Variants in PRSS55 observed in about 807,000 individuals in gnomAD.
PRSS55 encodes the protein serine protease 55, also known as probable serine protease UNQ9391/PRO34284.
Under a neutral mutation model 23.6 loss-of-function variants are expected in PRSS55, and 41 were observed. The observed-to-expected ratio is 1.74, with a 90% confidence interval of 1.35 to 2.26. The LOEUF (loss-of-function observed/expected upper bound fraction) is 2.26, where lower values mean the gene tolerates loss of function less well. PRSS55 is among the 30% of genes most tolerant of loss of function. The pLI is 0.00. For missense variants in PRSS55, 669 were observed against 439.1 expected (o/e 1.52, Z -4.68); for synonymous variants, 262 against 175.5 (o/e 1.49, Z -3.90).
rs953938203 is a variant in PRSS55 at position 10,531,699 on chromosome 8, GC to G, written c.598+156del. On this transcript the variant is annotated intron_variant, in intron 3 of 4. Transcript: ENST00000328655. ...GCCCAAAGTTTAGCTCCTTTTGGGT[GC>G]CGAAACCCCAAGGTGAGACACCAGG... 1.1e-4 allele frequency: 121 copies of G among 1,079,238 alleles called. No homozygotes were observed. The African/African-American group carries it at 1.9e-3, about 17-fold the overall frequency. The allele number at this position is 1,079,238 out of a possible 1,614,324, so 66.9% of individuals were successfully genotyped here.
intron 4 of PRSS55, among the ~76,000 whole-genome samples, chr8:10,533,890 A>G (rs1298085851): frequency 1.3e-5 from 2 of 152,162 alleles, no homozygotes; most frequent in African/African-American, 4.8e-5. Flanking sequence ...TTAATGTGAG[A>G]AAATTGGTAG....
chr8:10,539,605 T>A (rs62492804), downstream of PRSS55, among the ~76,000 whole-genome samples: 1 of 152,202 alleles, frequency 6.6e-6, no homozygotes, highest in East Asian at 1.9e-4. Flanking sequence ...TGGGAGATAA[T>A]TGAGTCATGC....
chr8:10,540,751 A>T (rs138068875), downstream of PRSS55: 3 of 152,362 alleles, frequency 2.0e-5, no homozygotes, highest in East Asian at 5.8e-4. Flanking sequence ...CTTCCTAGTT[A>T]TCCTTTTTCC....
intron 4 of PRSS55, among the ~76,000 whole-genome samples, chr8:10,545,356 C>T (rs1410276185): frequency 6.6e-6 from 1 of 152,116 alleles, no homozygotes; most frequent in Non-Finnish European, 1.5e-5. Context: ...CACCATCATG[C>T]CTGGCTAATT....
intron 2 of PRSS55, among the ~76,000 whole-genome samples, chr8:10,530,836 C>T (rs139835875): frequency 6.6e-6 from 1 of 152,278 alleles, no homozygotes; most frequent in East Asian, 1.9e-4. Context: ...ACTGAAGATC[C>T]TGTCTGCTTG....
Position 10,536,626 on chromosome 8 carries a change from G to A in PRSS55, c.742-1850G>A, listed in dbSNP as rs543170284. The stretch of plus-strand genomic sequence containing the variant: ...CATGGGATCAAACTACATGTCCTTC[G>A]ATGGTGAACTGGATAAAGAAATTGT... On this transcript the variant is annotated intron_variant, in intron 4 of 4. Transcript: ENST00000328655. 1.3e-4 allele frequency among the ~76,000 whole-genome samples: 20 copies of A among 152,184 alleles called. No homozygotes were observed. In the South Asian group the frequency reaches 1.7e-3, roughly 13 times the overall value.
intron 4 of PRSS55, among the ~76,000 whole-genome samples, chr8:10,533,903 T>C (rs1812361132): frequency 6.6e-6 from 1 of 152,160 alleles, no homozygotes; most frequent in African/African-American, 2.4e-5. Flanking sequence ...ATTGGTAGTT[T>C]TCCCTGATAG....
chr8:10,532,973 T>C lies in PRSS55; in HGVS notation c.666T>C (p.Cys222=). Residue 222 remains cysteine (C), a synonymous_variant, in exon 4 of 5, where the codon TGT becomes TGC. Transcript: ENST00000328655. ...TGGTCATCATGGACTGGGAGGAGTG[T>C]TCAAAGATGTTTCCAAAACTTACCA... ...APMVIMDWEE[C]SKMFPKLTKN... 1 of 1,614,180 alleles carries C rather than the reference T, an allele frequency of 6.2e-7. No individual in the cohort carries two copies. The highest frequency in any genetic ancestry group is 1.3e-5 in the African/African-American group (1 of 75,052).
chr8:10,529,050 G>A (rs1337325045), intron 1 of PRSS55, among the ~76,000 whole-genome samples: 1 of 152,152 alleles, frequency 6.6e-6, no homozygotes, highest in Non-Finnish European at 1.5e-5. Context: ...GCAGTGCTTA[G>A]CAACCCAAAT....
At chr8:10,528,560 G>A (rs55912827) in intron 1 of PRSS55, among the ~76,000 whole-genome samples, 12,831 of 152,256 alleles carry the variant, frequency 0.084, 586 homozygotes, top group African/African-American at 0.096. Flanking sequence ...CAGCACAGGC[G>A]CTACAGCTTT....
intron 4 of PRSS55, chr8:10,547,614 G>C (rs1585895281): frequency 6.6e-6 from 1 of 152,356 alleles, no homozygotes; most frequent in African/African-American, 2.4e-5. Context: ...CACTACCCAG[G>C]CTCGAAATCC....
Position 10,532,223 on chromosome 8 carries a change from G to T in PRSS55, c.598+678G>T, listed in dbSNP as rs550282507. Among the ~76,000 whole-genome samples the T allele has an allele frequency of 8.5e-5, 13 of 152,288 alleles. No homozygotes were observed. In the East Asian group the frequency reaches 2.3e-3, roughly 27 times the overall value. On this transcript the variant is annotated intron_variant, in intron 3 of 4. Coordinates refer to ENST00000328655, the MANE Select transcript of PRSS55 (RefSeq NM_198464.4). ...TGTTTCAGGAGTTTAGCAACCAGAGGGGGAAGCGGTGGGACCTTAGTTCTG... is the reference window on the plus strand; with the variant it reads ...TGTTTCAGGAGTTTAGCAACCAGAGTGGGAAGCGGTGGGACCTTAGTTCTG...
rs754002819 is a variant in PRSS55 at position 10,533,765 on chromosome 8, C to G, written c.741+717C>G. Among the ~76,000 whole-genome samples the G allele has an allele frequency of 9.9e-5, 15 of 152,254 alleles. 1 individual carries two copies. The highest frequency in any genetic ancestry group is 3.6e-4 in the African/African-American group (15 of 41,542). Reference sequence around the variant, plus strand: ...GAAGACTAGGGACCTGCTCATTGGCCAGGCAGTGGACCTTGTCGTTGGTAT... The same window carrying G: ...GAAGACTAGGGACCTGCTCATTGGCGAGGCAGTGGACCTTGTCGTTGGTAT... On this transcript the variant is annotated intron_variant, in intron 4 of 4. Coordinates refer to ENST00000328655, the MANE Select transcript of PRSS55 (RefSeq NM_198464.4).
intron 4 of PRSS55, among the ~76,000 whole-genome samples, chr8:10,537,830 G>A (rs1441532727): frequency 1.3e-5 from 2 of 152,174 alleles, no homozygotes; most frequent in Non-Finnish European, 2.9e-5. Flanking sequence ...TCCTCCTGCA[G>A]GCTCATTTGC....
chr8:10,543,346 G>A (rs541590444), downstream of PRSS55, among the ~76,000 whole-genome samples: 2 of 152,102 alleles, frequency 1.3e-5, no homozygotes, highest in Non-Finnish European at 2.9e-5. Context: ...TCACATCCTG[G>A]TGACATTTTT....
intron 4 of PRSS55, among the ~76,000 whole-genome samples, chr8:10,544,740 G>T (rs1005850669): frequency 1.3e-5 from 2 of 152,054 alleles, no homozygotes; most frequent in Non-Finnish European, 2.9e-5. Context: ...ATTAACTTCT[G>T]GTTTAGACTA....
downstream of PRSS55, among the ~76,000 whole-genome samples, chr8:10,543,490 T>C (rs56269318): frequency 7.6e-5 from 11 of 143,934 alleles, no homozygotes; most frequent in Middle Eastern, 3.5e-3. Context: ...CTTTTTTTTT[T>C]TTTTCCAAGG....
chr8:10,532,022 C>G (rs1430833917), intron 3 of PRSS55, among the ~76,000 whole-genome samples: 1 of 151,998 alleles, frequency 6.6e-6, no homozygotes, highest in Non-Finnish European at 1.5e-5. Context: ...TCTACTGGGA[C>G]AGAAAAATAT....
chr8:10,535,326 G>C (rs1342958802), intron 4 of PRSS55, among the ~76,000 whole-genome samples: 6 of 152,094 alleles, frequency 3.9e-5, no homozygotes, highest in Non-Finnish European at 7.4e-5. Context: ...TATACTACAG[G>C]GCTATGGTAA....
Sources: allele counts gnomAD v4.1 joint callset (sites outside exome capture counted in the v4.1 genomes callset), GRCh38; gene constraint gnomAD v4.1.1; transcripts MANE v1.5; gene names NCBI Gene and HGNC (gene_info 2026-07-23, HGNC 2026-07-21).